The following MAL2 variants were observed in gnomAD, a reference collection of about 807,000 sequenced individuals.
MAL2 encodes the protein protein MAL2.
A neutral mutation model predicts 18.1 loss-of-function variants in MAL2; 17 were observed. The ratio of observed to expected loss-of-function variants is 0.94; its 90% CI spans 0.64 to 1.41. The LOEUF (loss-of-function observed/expected upper bound fraction) is 1.41. Ranked by LOEUF, MAL2 falls within the 40% of genes most tolerant of loss-of-function variation. MAL2 has a pLI of 0.00. For synonymous variants in MAL2, 102 were observed against 102.3 expected, an observed-to-expected ratio of 1.00 and a Z score of 0.02; for missense variants, 222 against 231.9, an observed-to-expected ratio of 0.96 and a Z score of 0.28.
At chr8:119,210,812 C>T (rs1817256809) in intron 1 of MAL2, among the ~76,000 whole-genome samples, 1 of 152,206 alleles carries the variant, frequency 6.6e-6, no homozygotes, top group Non-Finnish European at 1.5e-5. Flanking sequence ...GTTTGCTTCT[C>T]TCTTTTTATG....
intron 2 of MAL2, among the ~76,000 whole-genome samples, chr8:119,228,082 G>A (rs1029959547): frequency 4.6e-5 from 7 of 152,010 alleles, no homozygotes; most frequent in African/African-American, 1.4e-4. Flanking sequence ...AATTCCTTTC[G>A]CCCTCTTATG....
At chr8:119,223,061 T>A (rs535026535) in intron 2 of MAL2, among the ~76,000 whole-genome samples, 1 of 152,330 alleles carries the variant, frequency 6.6e-6, no homozygotes, top group South Asian at 2.1e-4. Flanking sequence ...ACATCAGACC[T>A]TCAGTCAGGC....
At chr8:119,222,625 C>T (rs1817489755) in intron 2 of MAL2, among the ~76,000 whole-genome samples, 1 of 151,808 alleles carries the variant, frequency 6.6e-6, no homozygotes, top group Non-Finnish European at 1.5e-5. Flanking sequence ...ACCAGGAGCT[C>T]AAGGCCAGCC....
chr8:119,234,577 G>C (rs1360078148), intron 2 of MAL2, among the ~76,000 whole-genome samples: 1 of 152,110 alleles, frequency 6.6e-6, no homozygotes, highest in Non-Finnish European at 1.5e-5. Flanking sequence ...GCTTTGAAGA[G>C]AGCAGTGGTT....
Position 119,221,580 on chromosome 8 carries a change from C to G in MAL2, c.133-7C>G. 6.2e-7 allele frequency: 1 copy of G among 1,612,280 alleles called. No individual in the cohort carries two copies. The highest frequency in any genetic ancestry group is 8.5e-7 in the Non-Finnish European group (1 of 1,179,412). On this transcript the variant is annotated splice_polypyrimidine_tract_variant and splice_region_variant and intron_variant, in intron 1 of 3. Coordinates refer to ENST00000614891, the MANE Select transcript of MAL2 (RefSeq NM_052886.3). ...AGCAAACCAATTACCCTCTTTTTCT[C>G]TTTCAGCTGTTCGGGGGTCTTGTCT...
intron 2 of MAL2, among the ~76,000 whole-genome samples, chr8:119,225,896 C>T (rs575857878): frequency 9.9e-4 from 150 of 152,256 alleles, no homozygotes; most frequent in African/African-American, 3.3e-3. Context: ...TTTCATGTGT[C>T]TGTTGGCTGC....
rs377245274 is a variant in MAL2 at position 119,226,451 on chromosome 8, G to A, written c.303+4694G>A. Among the ~76,000 whole-genome samples, 28 of 130,238 alleles carry A rather than the reference G, an allele frequency of 2.1e-4. No individual in the cohort carries two copies. The South Asian group carries it at 3.7e-3, about 17-fold the overall frequency. The allele number at this position is 130,238 out of a possible 152,430, so 85.4% of individuals were successfully genotyped here. A position where few individuals can be genotyped will look rare whatever the true frequency, so the allele number is the denominator to read the frequency against. ...GTAGATGGAAGTTTGACCCTGAAAC[G>A]AAGAGCAAACATGGGCTTAAGACAA... On this transcript the variant is annotated intron_variant, in intron 2 of 3. Transcript: ENST00000614891.
rs1818017515 is a variant in MAL2 at position 119,240,192 on chromosome 8, G to T, written c.331G>T (p.Val111Phe). The T allele has an allele frequency of 6.2e-7, 1 of 1,613,138 alleles. No homozygotes were observed. The highest frequency in any genetic ancestry group is 8.5e-7 in the Non-Finnish European group (1 of 1,179,574). ...LDFAYHFTVFVFYFGAFLLEA... is the reference protein window; with the variant it reads ...LDFAYHFTVFFFYFGAFLLEA... ...TTTTGCCTACCATTTTACAGTATTT[G>T]TCTTCTATTTTGGAGCCTTTTTATT... Residue 111 changes from valine (V) to phenylalanine (F), a missense_variant, in exon 3 of 4, where the codon GTC becomes TTC. Coordinates refer to ENST00000614891, the MANE Select transcript of MAL2 (RefSeq NM_052886.3).
chr8:119,208,958 A>C lies in MAL2; in HGVS notation c.132+354A>C, dbSNP rs1817229017. The stretch of plus-strand genomic sequence containing the variant: ...ATGGCCAGGGGCCGCGCTTGGCCGG[A>C]GCGAGCTCCTGGCTCTCGGCCTCGC... On this transcript the variant is annotated intron_variant, in intron 1 of 3. Transcript: ENST00000614891. The surrounding 1 kb of genome is among the most constrained non-coding windows in gnomAD (Gnocchi z 4.3). 1 of 172,824 alleles carries C rather than the reference A, an allele frequency of 5.8e-6. No homozygotes were observed. The highest frequency in any genetic ancestry group is 2.4e-5 in the African/African-American group (1 of 42,302). 10.7% of individuals were successfully genotyped at this position (172,824 alleles called of 1,614,324 possible).
chr8:119,234,184 A>G (rs1290010043), intron 2 of MAL2, among the ~76,000 whole-genome samples: 1 of 152,172 alleles, frequency 6.6e-6, no homozygotes, highest in African/African-American at 2.4e-5. Context: ...TTCCGAGTCA[A>G]AGAAAGGGGT....
intron 2 of MAL2, among the ~76,000 whole-genome samples, chr8:119,233,731 GAA>G (rs1324810719): frequency 6.6e-6 from 1 of 151,856 alleles, no homozygotes; most frequent in Non-Finnish European, 1.5e-5. Context: ...ATTCACAGCC[GAA>G]TTCTACCAGA....
In MAL2 at chr8:119,208,389, G is replaced by A. The variant is rs1817215577; in HGVS notation, c.-84G>A. 2.6e-6 allele frequency: 2 copies of A among 761,270 alleles called. No individual in the cohort carries two copies. Among genetic ancestry groups the A allele is most frequent in the South Asian group, 5.7e-5 (1 of 17,544 alleles). The allele number at this position is 761,270 out of a possible 1,614,324, so 47.2% of individuals were successfully genotyped here. On this transcript the variant is annotated 5_prime_UTR_variant, in exon 1 of 4. Coordinates refer to ENST00000614891, the MANE Select transcript of MAL2 (RefSeq NM_052886.3). This position sits in a 1 kb window ranked among gnomAD's most constrained non-coding sequence, Gnocchi z 4.3. The stretch of plus-strand genomic sequence containing the variant: ...CGCCCGGAGCCCGCGGAGCTGAGCG[G>A]CGGCGGCGGCGGCGGCAGGAGCCCG...
chr8:119,240,111 G>A (rs932213352), intron 2 of MAL2, 54 bp from the exon 3 acceptor site: 1 of 1,545,096 alleles, frequency 6.5e-7, no homozygotes, highest in African/African-American at 1.4e-5. Flanking sequence ...TTTAAAATAA[G>A]GAACAGAAAA....
At chr8:119,231,548 A>G (rs760963149) in intron 2 of MAL2, among the ~76,000 whole-genome samples, 8 of 152,166 alleles carry the variant, frequency 5.3e-5, no homozygotes, top group Non-Finnish European at 1.2e-4. Context: ...AAGTTCCTCA[A>G]AAAGTTAAAA....
At chr8:119,225,193 A>C (rs1033376061) in intron 2 of MAL2, among the ~76,000 whole-genome samples, 1 of 152,174 alleles carries the variant, frequency 6.6e-6, no homozygotes, top group Non-Finnish European at 1.5e-5. Flanking sequence ...ATATGTATAC[A>C]TGTGCCAGGT....
chr8:119,229,764 T>G (rs1817674940), intron 2 of MAL2, among the ~76,000 whole-genome samples: 1 of 152,166 alleles, frequency 6.6e-6, no homozygotes, highest in African/African-American at 2.4e-5. Context: ...CTTTCAACCT[T>G]GCAACCACAT....
chr8:119,216,855 G>A (rs1044536753), intron 1 of MAL2, among the ~76,000 whole-genome samples: 3 of 152,142 alleles, frequency 2.0e-5, no homozygotes, highest in African/African-American at 7.2e-5. Flanking sequence ...TTTACTTTGT[G>A]GGTATACTAA....
intron 2 of MAL2, among the ~76,000 whole-genome samples, chr8:119,235,830 T>G (rs1817876954): frequency 7.5e-6 from 1 of 132,790 alleles, no homozygotes; most frequent in African/African-American, 3.2e-5. Context: ...TACCAGCCGC[T>G]GCAAAATCAT....
At chr8:119,243,099 CA>C (rs1444743128) in intron 3 of MAL2, among the ~76,000 whole-genome samples, 2 of 152,066 alleles carry the variant, frequency 1.3e-5, no homozygotes, top group Non-Finnish European at 2.9e-5. Context: ...TTTTTAAATA[CA>C]GTGCTTAGGG....
Sources: gnomAD v4.1 joint callset for allele counts (sites outside exome capture counted in the v4.1 genomes callset) on GRCh38, gnomAD v4.1.1 for gene constraint, Gnocchi (gnomAD v3.1) non-coding constraint, MANE v1.5 for transcripts, NCBI Gene and HGNC (gene_info 2026-07-23, HGNC 2026-07-21) for gene names.